Variants in MPI observed in about 807,000 individuals in gnomAD.
MPI encodes mannose phosphate isomerase.
A neutral mutation model predicts 40.1 loss-of-function variants in MPI; 33 were observed. The ratio of observed to expected loss-of-function variants is 0.82; its 90% CI spans 0.62 to 1.10. The LOEUF is 1.10. Among genes scored for constraint, MPI ranks in the 50% least tolerant of loss-of-function variants. The probability of loss-of-function intolerance (pLI) is 0.00; values close to 1 mark genes in which losing one functional copy is unlikely to be tolerated. For synonymous variants in MPI, 187 were observed against 207.4 expected, an observed-to-expected ratio of 0.90 and a Z score of 0.85; for missense variants, 514 against 524.1, an observed-to-expected ratio of 0.98 and a Z score of 0.19.
At chr15:74,893,370 C>T in intron 5 of MPI, 50 bp downstream of exon 5, 1 of 1,598,056 alleles carries the variant, frequency 6.3e-7, no homozygotes, top group Non-Finnish European at 8.6e-7. Flanking sequence ...GCCTGGGCTT[C>T]CCAGCAGACA....
intron 3 of MPI, 122 bp downstream of exon 3, chr15:74,891,701 G>C (rs1346032529): frequency 9.4e-7 from 1 of 1,067,930 alleles, no homozygotes; most frequent in Admixed American, 1.9e-5. Flanking sequence ...GCCAAATCCA[G>C]GCTGACAACT....
Position 74,890,795 on chromosome 15 carries a change from A to T in MPI, c.144+141A>T, listed in dbSNP as rs1275393960. On this transcript the variant is annotated intron_variant, in intron 2 of 7. Transcript: ENST00000352410. ...TTGGCTCTTCAGGCTAATGGACTAGATAGTGTTATCAAAAAGAAGAGAGGT... is the reference window on the plus strand; with the variant it reads ...TTGGCTCTTCAGGCTAATGGACTAGTTAGTGTTATCAAAAAGAAGAGAGGT... The T allele has an allele frequency of 4.5e-6, 5 of 1,104,954 alleles. No homozygotes were observed. In the South Asian group the frequency reaches 6.4e-5, roughly 14 times the overall value. The allele number at this position is 1,104,954 out of a possible 1,614,324, so 68.4% of individuals were successfully genotyped here. A position where few individuals can be genotyped will look rare whatever the true frequency, so the allele number is the denominator to read the frequency against.
intron 5 of MPI, 33 bp from the exon 6 acceptor site, chr15:74,896,119 C>G (rs1396338993): frequency 6.2e-7 from 1 of 1,612,686 alleles, no homozygotes; most frequent in Non-Finnish European, 8.5e-7. Context: ...GAGTATCCCC[C>G]TAAGTGACCT....
intron 5 of MPI, 69 bp from the exon 6 acceptor site, chr15:74,896,083 G>C (rs2064813121): frequency 6.3e-7 from 1 of 1,585,174 alleles, no homozygotes; most frequent in Non-Finnish European, 8.6e-7. Flanking sequence ...GGACTCCCTG[G>C]CCAATGTGGG....
chr15:74,896,411 C>A, intron 6 of MPI, 86 bp downstream of exon 6: 1 of 1,506,356 alleles, frequency 6.6e-7, no homozygotes, highest in Non-Finnish European at 9.1e-7. Flanking sequence ...GAAGGGTGGT[C>A]AAGGAGACCC....
At chr15:74,895,960 AT>A in intron 5 of MPI, 191 bp from the exon 6 acceptor site, 1 of 621,518 alleles carries the variant, frequency 1.6e-6, no homozygotes, top group South Asian at 1.8e-5. Flanking sequence ...GAAAGATGGT[AT>A]TTGTATGGAC....
chr15:74,892,681 C>A lies in MPI; in HGVS notation c.366C>A (p.His122Gln). The A allele has an allele frequency of 3.1e-6, 5 of 1,614,238 alleles. No individual in the cohort carries two copies. The highest frequency in any genetic ancestry group is 4.2e-6 in the Non-Finnish European group (5 of 1,180,050). Residue 122 changes from histidine (H) to glutamine (Q), a missense_variant, in exon 4 of 8, where the codon CAC becomes CAA. Coordinates refer to ENST00000352410, the MANE Select transcript of MPI (RefSeq NM_002435.3). ...HPNKELAEKL[H>Q]LQAPQHYPDA... ...CACAGGAGCTGGCAGAGAAGCTGCA[C>A]CTCCAGGCTCCGCAGCACTACCCCG...
Position 74,897,638 on chromosome 15 carries a change from G to A in MPI, c.1180G>A (p.Gly394Ser), listed in dbSNP as rs2064842308. 2.5e-6 allele frequency: 4 copies of A among 1,614,168 alleles called. No homozygotes were observed. The highest frequency in any genetic ancestry group is 1.6e-4 in the Middle Eastern group (1 of 6,062). The change falls in exon 8 of 8, where the codon GGC (glycine) becomes AGC (serine). Residue 394 changes from glycine to serine, a missense_variant. Coordinates refer to ENST00000352410, the MANE Select transcript of MPI (RefSeq NM_002435.3). ...TQTPIPLQRG[G>S]VLFIGANESV... ...GACACCAATCCCTCTGCAACGTGGT[G>A]GCGTGCTCTTCATTGGGGCCAATGA... is the stretch of plus-strand genomic sequence containing the variant.
chr15:74,890,537 T>G lies in MPI; in HGVS notation c.27T>G (p.Leu9=), dbSNP rs193018589. The G allele has an allele frequency of 2.5e-6, 4 of 1,614,192 alleles. No homozygotes were observed. The African/African-American group carries it at 4.0e-5, about 16-fold the overall frequency. Residue 9 remains leucine, a synonymous_variant, in exon 2 of 8, where the codon CTT becomes CTG. Transcript: ENST00000352410. ...TGTCTGTGCCCCTAGTATTCCCACT[T>G]TCCTGTGCGGTGCAGCAGTATGCCT... MAAPRVFP[L]SCAVQQYAWG...
In MPI at chr15:74,901,003, A is replaced by T. The variant is rs2064932349; in HGVS notation, c.*3273A>T. The stretch of plus-strand genomic sequence containing the variant: ...TTTTTATTAGACTTGCTCATCTTCT[A>T]GTCACCCCTTGTGGTAGAGCGAAAA... On this transcript the variant is annotated 3_prime_UTR_variant, in exon 8 of 8. Transcript: ENST00000352410. 1 of 152,252 alleles carries T rather than the reference A, an allele frequency of 6.6e-6. No homozygotes were observed. The highest frequency in any genetic ancestry group is 1.5e-5 in the Non-Finnish European group (1 of 68,048). 9.4% of individuals were successfully genotyped at this position (152,252 alleles called of 1,614,324 possible).
intron 5 of MPI, 72 bp downstream of exon 5, chr15:74,893,392 G>C (rs1249929668): frequency 1.3e-6 from 2 of 1,564,478 alleles, no homozygotes; most frequent in African/African-American, 2.7e-5. Context: ...CAGACTCTGG[G>C]GACAGTTCTC....
chr15:74,890,844 C>T (rs1025291211), intron 2 of MPI, 190 bp downstream of exon 2: 2 of 728,358 alleles, frequency 2.7e-6, no homozygotes, highest in Non-Finnish European at 2.4e-6. Context: ...GCTGGGATTT[C>T]CAGCACTCTC....
chr15:74,896,227 T>A lies in MPI; in HGVS notation c.746T>A (p.Ile249Asn), dbSNP rs201676072. The A allele has an allele frequency of 6.2e-7, 1 of 1,614,148 alleles. No homozygotes were observed. Among genetic ancestry groups the A allele is most frequent in the African/African-American group, 1.3e-5 (1 of 75,024 alleles). ...CTGCACCAGCAGTACCCAGGTGATA[T>A]CGGCTGCTTTGCCATCTACTTCCTG... is the stretch of plus-strand genomic sequence containing the variant. ...LQLHQQYPGD[I>N]GCFAIYFLNL... The change falls in exon 6 of 8, where the codon ATC becomes AAC. Residue 249 changes from isoleucine to asparagine, a missense_variant. Transcript: ENST00000352410.
chr15:74,891,344 T>TC (rs2064723244), intron 2 of MPI, 35 bp from the exon 3 acceptor site: 1 of 1,605,010 alleles, frequency 6.2e-7, no homozygotes, highest in African/African-American at 1.3e-5. Context: ...GCAGGTTTCT[T>TC]CCCCCTTCCC....
intron 4 of MPI, 161 bp downstream of exon 4, chr15:74,892,963 C>A: frequency 7.5e-7 from 1 of 1,342,126 alleles, no homozygotes; most frequent in Non-Finnish European, 1.0e-6. Flanking sequence ...TGAGACCAGG[C>A]TCAGGTGTGG....
chr15:74,900,066 A>T lies in MPI; in HGVS notation c.*2336A>T, dbSNP rs745382614. The T allele has an allele frequency of 2.6e-5, 4 of 152,268 alleles. No individual in the cohort carries two copies. Among genetic ancestry groups the T allele is most frequent in the African/African-American group, 9.6e-5 (4 of 41,464 alleles). The allele number at this position is 152,268 out of a possible 1,614,324, so 9.4% of individuals were successfully genotyped here. On this transcript the variant is annotated 3_prime_UTR_variant, in exon 8 of 8. Transcript: ENST00000352410. ...AGCCAAGAGTTCTATAGAGTAGTAC[A>T]TAAACACCATATGGTACCACTCCTG...
At chr15:74,894,176 C>T (rs1477306785) in intron 5 of MPI, among the ~76,000 whole-genome samples, 1 of 150,500 alleles carries the variant, frequency 6.6e-6, no homozygotes, top group African/African-American at 2.4e-5. Context: ...CTCTGCCTCC[C>T]GGGTTCAAGC....
intron 6 of MPI, 101 bp downstream of exon 6, chr15:74,896,426 G>A: frequency 7.3e-7 from 1 of 1,373,254 alleles, no homozygotes; most frequent in Non-Finnish European, 1.0e-6. Flanking sequence ...AGACCCCCAA[G>A]GACCTTGCAG....
In MPI at chr15:74,900,937, G is replaced by C. The variant is rs77564174; in HGVS notation, c.*3207G>C. The C allele has an allele frequency of 8.5e-5, 13 of 152,176 alleles. No individual in the cohort carries two copies. Among genetic ancestry groups the C allele is most frequent in the African/African-American group, 3.1e-4 (13 of 41,426 alleles). The allele number at this position is 152,176 out of a possible 1,614,324, so 9.4% of individuals were successfully genotyped here. ...ATCAGGCACTCACAGGATTACCATC[G>C]TAAGGATGGTTGTCAGACAAATAAC... On this transcript the variant is annotated 3_prime_UTR_variant, in exon 8 of 8. Coordinates refer to ENST00000352410, the MANE Select transcript of MPI (RefSeq NM_002435.3).
Sources: gnomAD v4.1 joint callset for allele counts (sites outside exome capture counted in the v4.1 genomes callset) on GRCh38, gnomAD v4.1.1 for gene constraint, MANE v1.5 for transcripts, NCBI Gene and HGNC (gene_info 2026-07-23, HGNC 2026-07-21) for gene names.